Variants in PDE4B observed in about 807,000 individuals in gnomAD.
PDE4B encodes the protein 3',5'-cyclic-AMP phosphodiesterase 4B.
In PDE4B, 20 loss-of-function variants were observed where a neutral mutation model predicts 82.2. The ratio of observed to expected loss-of-function variants is 0.24; its 90% CI spans 0.17 to 0.35. The LOEUF is 0.35. Ranked by LOEUF, PDE4B falls within the 10% of genes least tolerant of loss-of-function variation. The pLI, the probability that PDE4B is intolerant of heterozygous loss-of-function variation, is 1.00. For synonymous variants in PDE4B, 320 were observed against 318.9 expected, an observed-to-expected ratio of 1.00 and a Z score of -0.04; for missense variants, 655 against 907.2, an observed-to-expected ratio of 0.72 and a Z score of 3.57.
At chr1:65,993,210 G>T (rs1651344935) in intron 3 of PDE4B, 2 of 1,211,396 alleles carry the variant, frequency 1.7e-6, no homozygotes, top group Non-Finnish European at 2.3e-6. Flanking sequence ...TGATCTAGCA[G>T]TGTAGAAAAT....
chr1:66,025,702 A>G (rs1198631907), intron 3 of PDE4B, among the ~76,000 whole-genome samples: 1 of 152,150 alleles, frequency 6.6e-6, no homozygotes, highest in Non-Finnish European at 1.5e-5. Context: ...CAGGCCCCCA[A>G]CTTTAAACTT....
chr1:66,368,736 G>A (rs368520998), intron 15 of PDE4B, 51 bp from the exon 16 acceptor site: 44 of 1,376,086 alleles, frequency 3.2e-5, no homozygotes, highest in African/African-American at 1.6e-4. Context: ...GAGATGTTCC[G>A]GCAGTATTTA....
At chr1:66,309,292 G>A (rs1237589206) in intron 7 of PDE4B, among the ~76,000 whole-genome samples, 2 of 152,186 alleles carry the variant, frequency 1.3e-5, no homozygotes, top group African/African-American at 4.8e-5. Context: ...TTCCAGAGCA[G>A]TTGGAAATGC....
At chr1:65,871,108 A>G (rs991164512) in intron 1 of PDE4B, among the ~76,000 whole-genome samples, 3 of 152,174 alleles carry the variant, frequency 2.0e-5, no homozygotes, top group Non-Finnish European at 2.9e-5. Context: ...AATTCAAGGT[A>G]GAGATTTGCT....
intron 1 of PDE4B, among the ~76,000 whole-genome samples, chr1:65,896,016 T>C (rs1045559340): frequency 6.6e-6 from 1 of 150,994 alleles, no homozygotes; most frequent in South Asian, 2.1e-4. Flanking sequence ...TAGGAAGATT[T>C]TCTGTAACCT....
At chr1:66,091,854 CTTAA>C (rs1244720279) in intron 3 of PDE4B, among the ~76,000 whole-genome samples, 17 of 152,126 alleles carry the variant, frequency 1.1e-4, no homozygotes, top group African/African-American at 4.1e-4. Flanking sequence ...CTTTTATGTA[CTTAA>C]TTGTTTTTTC....
chr1:66,101,643 T>G (rs1233417989), intron 3 of PDE4B, among the ~76,000 whole-genome samples: 1 of 152,224 alleles, frequency 6.6e-6, no homozygotes, highest in Non-Finnish European at 1.5e-5. Flanking sequence ...TTGAGAAGTG[T>G]CTGTTCATAT....
intron 3 of PDE4B, among the ~76,000 whole-genome samples, chr1:66,111,027 T>C (rs17128398): frequency 0.029 from 4,350 of 152,102 alleles, 231 homozygotes; most frequent in African/African-American, 0.098. Context: ...CAGATTATCA[T>C]GAGGATTAAA....
chr1:65,793,210 C>G lies in PDE4B; in HGVS notation c.-109C>G, dbSNP rs1404437233. 1 of 152,428 alleles carries G rather than the reference C, an allele frequency of 6.6e-6. No individual in the cohort carries two copies. The highest frequency in any genetic ancestry group is 1.5e-5 in the Non-Finnish European group (1 of 68,254). 9.4% of individuals were successfully genotyped at this position (152,428 alleles called of 1,614,324 possible). On this transcript the variant is annotated 5_prime_UTR_variant, in exon 1 of 17. Transcript: ENST00000341517. Reference sequence around the variant, plus strand: ...CCGCGGCGGTGCAGCAGAGGCGCCTCGGGCAGGAGGAGGGCGGCTTCTGCG... The same window carrying G: ...CCGCGGCGGTGCAGCAGAGGCGCCTGGGGCAGGAGGAGGGCGGCTTCTGCG...
intron 3 of PDE4B, among the ~76,000 whole-genome samples, chr1:65,924,242 T>G (rs1255784711): frequency 6.8e-6 from 1 of 146,030 alleles, no homozygotes; most frequent in Non-Finnish European, 1.5e-5. Context: ...GCCCGGCTAA[T>G]TTTTTGTATT....
rs373019970 is a variant in PDE4B, at chr1:66,296,814, C to T, written c.634+30727C>T. 9.9e-5 allele frequency among the ~76,000 whole-genome samples: 15 copies of T among 152,248 alleles called. No homozygotes were observed. The East Asian group carries it at 1.5e-3, about 16-fold the overall frequency. On this transcript the variant is annotated intron_variant, in intron 7 of 16. Coordinates refer to ENST00000341517, the MANE Select transcript of PDE4B (RefSeq NM_002600.4). ...TGTGAATTTTTCACCAACTCTTACA[C>T]GAAATTTTTTGGAGTATGTATGATG...
At chr1:66,126,409 AC>A (rs553959759) in intron 3 of PDE4B, among the ~76,000 whole-genome samples, 1 of 152,114 alleles carries the variant, frequency 6.6e-6, no homozygotes, top group African/African-American at 2.4e-5. Flanking sequence ...TACTCTATGT[AC>A]CCCCCTACAC....
chr1:66,163,412 T>C (rs1443239778), intron 3 of PDE4B, among the ~76,000 whole-genome samples: 1 of 152,186 alleles, frequency 6.6e-6, no homozygotes, highest in Non-Finnish European at 1.5e-5. Context: ...CTTTAGGAAC[T>C]CTATAATAAT....
intron 3 of PDE4B, among the ~76,000 whole-genome samples, chr1:66,071,829 G>A (rs560597353): frequency 6.6e-6 from 1 of 152,070 alleles, no homozygotes; most frequent in East Asian, 1.9e-4. Flanking sequence ...CAGACTCTGT[G>A]GGCAACTGAA....
intron 3 of PDE4B, among the ~76,000 whole-genome samples, chr1:66,090,646 C>T (rs541760542): frequency 0.21 from 15,949 of 76,088 alleles, 1,366 homozygotes; most frequent in South Asian, 0.46. Flanking sequence ...TGTGTATGTA[C>T]GTATATATAT....
intron 3 of PDE4B, among the ~76,000 whole-genome samples, chr1:65,991,317 C>T (rs1184272515): frequency 6.6e-6 from 1 of 152,056 alleles, no homozygotes; most frequent in Non-Finnish European, 1.5e-5. Context: ...CTGGCCTCAA[C>T]TGATCCGCCT....
At chr1:66,233,318 T>G (rs192809409) in intron 3 of PDE4B, among the ~76,000 whole-genome samples, 2 of 152,358 alleles carry the variant, frequency 1.3e-5, no homozygotes, top group East Asian at 3.8e-4. Flanking sequence ...TAGTGCATTC[T>G]TATTTATTGC....
chr1:66,061,989 A>T (rs1466473590), intron 3 of PDE4B, among the ~76,000 whole-genome samples: 1 of 152,184 alleles, frequency 6.6e-6, no homozygotes, highest in Non-Finnish European at 1.5e-5. Context: ...TGTGAGGTTC[A>T]TAAAGAAGCA....
chr1:66,328,047 AC>A (rs1363309105), intron 7 of PDE4B, among the ~76,000 whole-genome samples: 1 of 152,222 alleles, frequency 6.6e-6, no homozygotes, highest in East Asian at 1.9e-4. Flanking sequence ...TATCTATCAC[AC>A]AAAGATGTTG....
Sources: allele counts gnomAD v4.1 joint callset (sites outside exome capture counted in the v4.1 genomes callset), GRCh38; gene constraint gnomAD v4.1.1; transcripts MANE v1.5; gene names NCBI Gene and HGNC (gene_info 2026-07-23, HGNC 2026-07-21).